CENPF: variants seen among roughly 807,000 people sequenced by gnomAD.
CENPF encodes centromere protein F, also known as AH antigen.
Under a neutral mutation model 307.3 loss-of-function variants are expected in CENPF, and 214 were observed. The ratio of observed to expected loss-of-function variants is 0.70; its 90% confidence interval spans 0.62 to 0.78. CENPF has a LOEUF of 0.78. CENPF is among the 30% of genes least tolerant of loss of function. The probability of loss-of-function intolerance (pLI) is 0.00; values close to 1 mark genes in which losing one functional copy is unlikely to be tolerated. For synonymous variants in CENPF, 1,259 were observed against 1,270.6 expected (o/e 0.99, Z 0.19); for missense variants, 3,401 against 3,483.9 (o/e 0.98, Z 0.60).
chr1:214,648,829 T>TG lies in CENPF; in HGVS notation c.7983+2_7983+3insG, dbSNP rs780992243. The TG allele has an allele frequency of 1.1e-5, 18 of 1,612,980 alleles. No individual in the cohort carries two copies. The Middle Eastern group carries it at 6.6e-4, about 59-fold the overall frequency. On this transcript the variant is annotated splice_region_variant and intron_variant, in intron 14 of 19. Transcript: ENST00000366955. ...TTGGAAGAAATAAAGAGCAGCAAAG[T>TG]AAGTTTCTTTGTGACAAGTGTTATT...
chr1:214,608,128 C>T (rs1342159088), intron 1 of CENPF, among the ~76,000 whole-genome samples: 1 of 152,220 alleles, frequency 6.6e-6, no homozygotes, highest in Admixed American at 6.5e-5. Flanking sequence ...GGCCACACCT[C>T]AGCCATGTGG....
chr1:214,627,871 T>C (rs57799281), intron 7 of CENPF, among the ~76,000 whole-genome samples: 5,293 of 152,306 alleles, frequency 0.035, 324 homozygotes, highest in African/African-American at 0.12. Flanking sequence ...ATTAGACTTA[T>C]CTATTAAATG....
intron 18 of CENPF, among the ~76,000 whole-genome samples, chr1:214,657,859 G>A (rs571672081): frequency 6.6e-6 from 1 of 152,198 alleles, no homozygotes; most frequent in South Asian, 2.1e-4. Flanking sequence ...TCTGGCCCAA[G>A]GACTGGTGCC....
At position 214,645,619 on chromosome 1, in the gene CENPF, C is replaced by G; in HGVS notation, c.6049C>G (p.Gln2017Glu). 1 of 1,614,162 alleles carries G rather than the reference C, an allele frequency of 6.2e-7. No homozygotes were observed. The highest frequency in any genetic ancestry group is 8.5e-7 in the Non-Finnish European group (1 of 1,180,022). The change falls in exon 13 of 20, where the codon CAG becomes GAG. Residue 2017 changes from glutamine (Q) to glutamate (E), a missense_variant. Gln to Glu is a conservative substitution (Grantham distance 29). Coordinates refer to ENST00000366955, the MANE Select transcript of CENPF (RefSeq NM_016343.4). ...AEVKEKTELL[Q>E]TLSSDVSELL... ...GGTGAAGGAAAAGACGGAACTCCTT[C>G]AGACTTTGTCCTCTGATGTGAGTGA...
chr1:214,647,240 A>G lies in CENPF; in HGVS notation c.7670A>G (p.Glu2557Gly). ...CAACTTTGGAAGGAGCAAAACTTAG[A>G]ACTGAGAAATCTGACAGTGGAATTG... The part of the protein sequence containing the change: ...EHQLWKEQNL[E>G]LRNLTVELEQ... Residue 2557 changes from glutamate to glycine, a missense_variant, in exon 13 of 20, where the codon GAA becomes GGA. By Grantham distance (98) the Glu-to-Gly change is moderately conservative. Coordinates refer to ENST00000366955, the MANE Select transcript of CENPF (RefSeq NM_016343.4). The G allele has an allele frequency of 6.2e-7, 1 of 1,614,108 alleles. No individual in the cohort carries two copies. The highest frequency in any genetic ancestry group is 2.2e-5 in the East Asian group (1 of 44,870).
At position 214,613,786 on chromosome 1, in the gene CENPF, G is replaced by T. The variant is rs1399883111; in HGVS notation, c.32G>T (p.Gly11Val). Residue 11 changes from glycine (G) to valine (V), a missense_variant, in exon 2 of 20, where the codon GGG becomes GTG. By Grantham distance (109) the Gly-to-Val change is moderately radical (BLOSUM62 -3). Transcript: ENST00000366955. ...TGGGCTTTGGAAGAATGGAAAGAAG[G>T]GCTGCCTACAAGAGCTCTTCAGAAA... MSWALEEWKE[G>V]LPTRALQKIQ... 2 of 1,609,508 alleles carry T rather than the reference G, an allele frequency of 1.2e-6. No individual in the cohort carries two copies. The highest frequency in any genetic ancestry group is 1.7e-5 in the Admixed American group (1 of 59,026).
Position 214,646,063 on chromosome 1 carries a change from A to G in CENPF, c.6493A>G (p.Met2165Val), listed in dbSNP as rs766896376. Reference protein sequence around the residue: ...KVENLERELQMSEENQELVIL... With the variant: ...KVENLERELQVSEENQELVIL... Reference sequence around the variant, plus strand: ...TGAGAACCTTGAAAGGGAATTGCAGATGTCAGAAGAAAACCAGGAGCTAGT... The same window carrying G: ...TGAGAACCTTGAAAGGGAATTGCAGGTGTCAGAAGAAAACCAGGAGCTAGT... The change falls in exon 13 of 20, where the codon ATG becomes GTG. Residue 2165 changes from methionine (M) to valine (V), a missense_variant. Transcript: ENST00000366955. The G allele has an allele frequency of 2.5e-6, 4 of 1,614,102 alleles. No individual in the cohort carries two copies. The East Asian group carries it at 8.9e-5, about 36-fold the overall frequency.
intron 1 of CENPF, chr1:214,608,261 C>T (rs1657094047): frequency 7.2e-6 from 11 of 1,521,680 alleles, no homozygotes; most frequent in Non-Finnish European, 9.7e-6. Flanking sequence ...GGCCCCCGGC[C>T]TGGTCCCCTC....
chr1:214,647,827 C>T, intron 13 of CENPF: 1 of 308,192 alleles, frequency 3.2e-6, no homozygotes, highest in Non-Finnish European at 6.6e-6. Context: ...GTCTTTTTTG[C>T]CTTCAGGACA....
rs1658073190 is a variant in CENPF at position 214,640,263 on chromosome 1, G to A, written c.1925G>A (p.Ser642Asn). The A allele has an allele frequency of 6.2e-7, 1 of 1,613,720 alleles. No homozygotes were observed. The highest frequency in any genetic ancestry group is 1.7e-4 in the Middle Eastern group (1 of 6,056). ...QMESEKENLQ[S>N]KINHLETCLK... ...GAATCAGAAAAGGAAAACTTGCAGA[G>A]TAAAATTAATCACTTGGAAACTTGT... Residue 642 changes from serine to asparagine, a missense_variant, in exon 12 of 20, where the codon AGT (serine) becomes AAT (asparagine). Coordinates refer to ENST00000366955, the MANE Select transcript of CENPF (RefSeq NM_016343.4).
At chr1:214,655,067 G>C (rs771332082) in intron 16 of CENPF, 174 bp from the exon 17 acceptor site, 2 of 416,324 alleles carry the variant, frequency 4.8e-6, no homozygotes, top group Admixed American at 4.3e-5. Flanking sequence ...CAGTTGGGGG[G>C]ACTTAGGAAA....
In CENPF at chr1:214,651,809, G is replaced by A. The variant is rs200235175; in HGVS notation, c.8083G>A (p.Glu2695Lys). Reference sequence around the variant, plus strand: ...GGAAAAGGAAGGGAAAGTGAGAGAGGAAATAGCTGAATATCAGCTACGGCT... The same window carrying A: ...GGAAAAGGAAGGGAAAGTGAGAGAGAAAATAGCTGAATATCAGCTACGGCT... The part of the protein sequence containing the change: ...QVEKEGKVRE[E>K]IAEYQLRLHE... The change falls in exon 15 of 20, where the codon GAA becomes AAA. Residue 2695 changes from glutamate (E) to lysine (K), a missense_variant. By Grantham distance (56) the Glu-to-Lys change is moderately conservative. Coordinates refer to ENST00000366955, the MANE Select transcript of CENPF (RefSeq NM_016343.4). The A allele has an allele frequency of 5.0e-5, 81 of 1,609,238 alleles. No individual in the cohort carries two copies. Among genetic ancestry groups the A allele is most frequent in the Non-Finnish European group, 6.6e-5 (78 of 1,176,440 alleles).
intron 13 of CENPF, chr1:214,648,381 T>G: frequency 3.9e-6 from 2 of 512,056 alleles, no homozygotes; most frequent in Non-Finnish European, 7.3e-6. Context: ...ATGTTTAAGT[T>G]TAATTCAAAT....
In CENPF at chr1:214,657,272, G is replaced by C. The variant is rs753304275; in HGVS notation, c.8825G>C (p.Gly2942Ala). 2 of 1,613,992 alleles carry C rather than the reference G, an allele frequency of 1.2e-6. No homozygotes were observed. Among genetic ancestry groups the C allele is most frequent in the African/African-American group, 1.3e-5 (1 of 74,922 alleles). Residue 2942 changes from glycine (G) to alanine (A), a missense_variant, in exon 18 of 20, where the codon GGT (glycine) becomes GCT (alanine). Physicochemically the swap from Gly to Ala is moderately conservative, Grantham distance 60. Transcript: ENST00000366955. ...AGATCCAGTGGAATATGGGAGAATG[G>C]TAGAGGACCAACACCTGCTACCCCA... is the stretch of plus-strand genomic sequence containing the variant. ...RQRSSGIWEN[G>A]RGPTPATPES...
intron 2 of CENPF, 98 bp downstream of exon 2, chr1:214,614,014 C>A: frequency 8.5e-7 from 1 of 1,169,652 alleles, no homozygotes; most frequent in Non-Finnish European, 1.2e-6. Context: ...TTAATTATTT[C>A]ATCTTCTTTA....
At chr1:214,603,434 G>A (rs1656940562) in intron 1 of CENPF, 113 bp downstream of exon 1, 1 of 152,206 alleles carries the variant, frequency 6.6e-6, no homozygotes, top group Admixed American at 6.5e-5. Flanking sequence ...GGAGGCCTCT[G>A]GGATCACTCT....
Position 214,644,880 on chromosome 1 carries a change from TA to T in CENPF, c.5312del (p.Asn1771IlefsTer6). ...TCCTGGGGAATCAGGAAGATATCCA[TA>T]ATCTTCAACTGCGGGTAAAAGAGAC... Reference protein sequence around the residue: ...DFLGNQEDIHNLQLRVKETSN... With the variant: ...DFLGNQEDIHXLQLRVKETSN... On this transcript the variant is annotated frameshift_variant, in exon 13 of 20. Coordinates refer to ENST00000366955, the MANE Select transcript of CENPF (RefSeq NM_016343.4). LOFTEE classifies it high-confidence loss of function. The T allele has an allele frequency of 6.2e-7, 1 of 1,613,878 alleles. No individual in the cohort carries two copies. The highest frequency in any genetic ancestry group is 8.5e-7 in the Non-Finnish European group (1 of 1,179,970).
At chr1:214,613,154 CT>C in intron 1 of CENPF, 1 of 250,918 alleles carries the variant, frequency 4.0e-6, no homozygotes, top group South Asian at 6.1e-5. Flanking sequence ...TGTTACAAAT[CT>C]TACAAAGGCA....
intron 7 of CENPF, among the ~76,000 whole-genome samples, chr1:214,626,119 C>T (rs1289402687): frequency 6.6e-6 from 1 of 151,968 alleles, no homozygotes; most frequent in African/African-American, 2.4e-5. Flanking sequence ...TCCTTTAGCC[C>T]TTCTTTTAGG....
Sources: allele counts gnomAD v4.1 joint callset (sites outside exome capture counted in the v4.1 genomes callset), GRCh38; gene constraint gnomAD v4.1.1; transcripts MANE v1.5; gene names NCBI Gene and HGNC (gene_info 2026-07-23, HGNC 2026-07-21).